TBL1XR1: variants seen among roughly 807,000 people sequenced by gnomAD.
TBL1XR1 encodes F-box-like/WD repeat-containing protein TBL1XR1.
A neutral mutation model predicts 66.9 loss-of-function variants in TBL1XR1; 5 were observed. The ratio of observed to expected loss-of-function variants is 0.07; its 90% CI spans 0.04 to 0.16. TBL1XR1 has a LOEUF of 0.16. Ranked by LOEUF, TBL1XR1 falls within the 10% of genes least tolerant of loss-of-function variation. The pLI is 1.00. For synonymous variants in TBL1XR1, 210 were observed against 206.0 expected, an observed-to-expected ratio of 1.02 and a Z score of -0.17; for missense variants, 238 against 623.2, an observed-to-expected ratio of 0.38 and a Z score of 6.58.
At position 177,053,972 on chromosome 3, in the gene TBL1XR1, A is replaced by G. The variant is rs1577035886; in HGVS notation, c.59-54T>C. On this transcript the variant is annotated intron_variant, in intron 3 of 15. Transcript: ENST00000457928. ...TTATTTTCCTAGTGGCAACATGCTA[A>G]ATGACACAGAAAGAAAGATCACCAT... 4.6e-6 allele frequency: 7 copies of G among 1,525,966 alleles called. No homozygotes were observed. In the East Asian group the frequency reaches 1.6e-4, roughly 34 times the overall value. 94.5% of individuals were successfully genotyped at this position (1,525,966 alleles called of 1,614,324 possible).
At chr3:177,117,946 T>C (rs1001207768) in intron 1 of TBL1XR1, among the ~76,000 whole-genome samples, 33 of 152,154 alleles carry the variant, frequency 2.2e-4, no homozygotes, top group African/African-American at 8.0e-4. Flanking sequence ...TGCAAGGTAG[T>C]AAGAAATCAG....
At chr3:177,141,656 C>T (rs7426456) in intron 1 of TBL1XR1, among the ~76,000 whole-genome samples, 103,102 of 152,120 alleles carry the variant, frequency 0.68, 35,392 homozygotes, top group African/African-American at 0.77. Flanking sequence ...TCTGTTCCAT[C>T]TGGTTGGTTC....
At chr3:177,136,496 T>C (rs2108804912) in intron 1 of TBL1XR1, among the ~76,000 whole-genome samples, 1 of 152,276 alleles carries the variant, frequency 6.6e-6, no homozygotes, top group South Asian at 2.1e-4. Flanking sequence ...GCCAGACTGG[T>C]CTTGAACTCC....
intron 2 of TBL1XR1, among the ~76,000 whole-genome samples, chr3:177,070,823 G>A (rs1455794112): frequency 3.3e-5 from 5 of 151,478 alleles, no homozygotes; most frequent in African/African-American, 9.7e-5. Context: ...TCCAGCCTGG[G>A]CAGCTAAGCA....
At chr3:177,054,534 T>C (rs1577038002) in intron 3 of TBL1XR1, among the ~76,000 whole-genome samples, 2 of 152,188 alleles carry the variant, frequency 1.3e-5, no homozygotes, top group Admixed American at 6.5e-5. Flanking sequence ...TGTAAAGCAA[T>C]CTAGCACTCA....
intron 1 of TBL1XR1, among the ~76,000 whole-genome samples, chr3:177,141,823 A>C (rs761503857): frequency 6.6e-6 from 1 of 152,252 alleles, no homozygotes; most frequent in Non-Finnish European, 1.5e-5. Context: ...GTCCATCAAC[A>C]GATAAACAAA....
At chr3:177,042,819 T>C (rs1191131415) in intron 10 of TBL1XR1, among the ~76,000 whole-genome samples, 1 of 152,126 alleles carries the variant, frequency 6.6e-6, no homozygotes, top group African/African-American at 2.4e-5. Flanking sequence ...CTCTTCTGAT[T>C]TACTTTCATT....
rs1486105531 is a variant in TBL1XR1 at position 177,112,125 on chromosome 3, T to C, written c.-121-13584A>G. ...TATATATATTTTTTTTTTTTTTTTTTGTGAGGGGCTCTGACTCTGTTGCCG... is the reference window on the plus strand; with the variant it reads ...TATATATATTTTTTTTTTTTTTTTTCGTGAGGGGCTCTGACTCTGTTGCCG... On this transcript the variant is annotated intron_variant, in intron 1 of 15. Coordinates refer to ENST00000457928, the MANE Select transcript of TBL1XR1 (RefSeq NM_024665.7). Among the ~76,000 whole-genome samples, 37 of 108,662 alleles carry C rather than the reference T, an allele frequency of 3.4e-4. 1 individual carries two copies. Among genetic ancestry groups the C allele is most frequent in the Non-Finnish European group, 1.5e-4 (8 of 52,048 alleles). The allele number at this position is 108,662 out of a possible 152,430, so 71.3% of individuals were successfully genotyped here.
chr3:177,098,454 GGA>G lies in TBL1XR1; in HGVS notation c.-46+10_-46+11del, dbSNP rs1560172855. 1.0e-6 allele frequency: 1 copy of G among 983,578 alleles called. No individual in the cohort carries two copies. Among genetic ancestry groups the G allele is most frequent in the Admixed American group, 6.2e-5 (1 of 16,254 alleles). 60.9% of individuals were successfully genotyped at this position (983,578 alleles called of 1,614,324 possible). ...ATAAGAAACACTGACATTGGGAGTT[GGA>G]GAGTCTTACCATTGGCAGTGCATTG... On this transcript the variant is annotated intron_variant, in intron 2 of 15. Transcript: ENST00000457928.
At chr3:177,201,216 GC>G (rs1260653835), upstream of TBL1XR1, among the ~76,000 whole-genome samples, 35 of 151,930 alleles carry the variant, frequency 2.3e-4, no homozygotes, top group Admixed American at 3.3e-4. Flanking sequence ...TTCGAGACCA[GC>G]CTGACCAACA....
intron 1 of TBL1XR1, among the ~76,000 whole-genome samples, chr3:177,172,371 G>A (rs546996865): frequency 2.6e-5 from 4 of 151,412 alleles, no homozygotes; most frequent in African/African-American, 9.7e-5. Context: ...TAAATATACA[G>A]GAGAAAAGGA....
At chr3:177,143,727 G>A (rs560712568) in intron 1 of TBL1XR1, among the ~76,000 whole-genome samples, 66 of 152,272 alleles carry the variant, frequency 4.3e-4, no homozygotes, top group African/African-American at 1.3e-3. Flanking sequence ...CAATTGTTTA[G>A]GTTTCAATTC....
At chr3:177,178,176 G>A (rs1734379195) in intron 1 of TBL1XR1, among the ~76,000 whole-genome samples, 2 of 152,200 alleles carry the variant, frequency 1.3e-5, no homozygotes, top group African/African-American at 4.8e-5. Flanking sequence ...TAAGGTTTGT[G>A]AGGTGGCCAG....
intron 14 of TBL1XR1, among the ~76,000 whole-genome samples, chr3:177,030,477 G>A (rs1052565852): frequency 3.9e-5 from 6 of 152,020 alleles, no homozygotes; most frequent in Non-Finnish European, 8.8e-5. Flanking sequence ...ACAGAAAATA[G>A]TAGTATATAT....
Position 177,047,351 on chromosome 3 carries a change from T to A in TBL1XR1, c.813A>T (p.Ala271=). 6.4e-7 allele frequency: 1 copy of A among 1,572,088 alleles called. No individual in the cohort carries two copies. ...TLGQHKGPIF[A]LKWNKKGNFI... is the part of the protein sequence containing the mutation. ...AATTTCCTTTCTTATTCCATTTTAATGCAAATATAGGGCCTTTATGCTGCC... is the reference window on the plus strand; with the variant it reads ...AATTTCCTTTCTTATTCCATTTTAAAGCAAATATAGGGCCTTTATGCTGCC... Residue 271 remains alanine, a synonymous_variant, in exon 9 of 16, where the codon GCA becomes GCT. Coordinates refer to ENST00000457928, the MANE Select transcript of TBL1XR1 (RefSeq NM_024665.7).
intron 1 of TBL1XR1, among the ~76,000 whole-genome samples, chr3:177,145,862 C>G (rs946168464): frequency 6.6e-6 from 1 of 152,172 alleles, no homozygotes; most frequent in African/African-American, 2.4e-5. Flanking sequence ...AGACAAAATT[C>G]CCATACTGAT....
chr3:177,143,294 G>A (rs1378466016), intron 1 of TBL1XR1, among the ~76,000 whole-genome samples: 2 of 151,668 alleles, frequency 1.3e-5, no homozygotes, highest in South Asian at 2.1e-4. Context: ...CCGTAGGAGC[G>A]ATGCTCAGTA....
At chr3:177,159,794 T>C (rs1731952982) in intron 1 of TBL1XR1, among the ~76,000 whole-genome samples, 1 of 152,114 alleles carries the variant, frequency 6.6e-6, no homozygotes, top group Non-Finnish European at 1.5e-5. Flanking sequence ...ATGGCCACTG[T>C]TTCCAAGTGA....
intron 1 of TBL1XR1, among the ~76,000 whole-genome samples, chr3:177,110,215 C>T (rs555296454): frequency 1.3e-5 from 2 of 152,268 alleles, no homozygotes; most frequent in East Asian, 3.9e-4. Flanking sequence ...TCTATTCAGT[C>T]AAAATATTTT....
Sources: allele counts gnomAD v4.1 joint callset (sites outside exome capture counted in the v4.1 genomes callset), GRCh38; gene constraint gnomAD v4.1.1; transcripts MANE v1.5; gene names NCBI Gene and HGNC (gene_info 2026-07-23, HGNC 2026-07-21).